DPYSL3: variants seen among roughly 807,000 people sequenced by gnomAD.
DPYSL3 encodes dihydropyrimidinase-related protein 3.
DPYSL3 carries 16 observed loss-of-function variants against 66.1 expected under a neutral mutation model. That is an observed-to-expected ratio of 0.24 (90% CI 0.16 to 0.37). The LOEUF is 0.37. Among genes scored for constraint, DPYSL3 ranks in the 10% least tolerant of loss-of-function variants. The probability of loss-of-function intolerance (pLI) is 1.00; values close to 1 mark genes in which losing one functional copy is unlikely to be tolerated. For missense variants in DPYSL3, 738 were observed against 916.2 expected (o/e 0.81, Z 2.51); for synonymous variants, 338 against 345.1 (o/e 0.98, Z 0.23).
intron 1 of DPYSL3, among the ~76,000 whole-genome samples, chr5:147,428,656 T>C (rs1043510295): frequency 6.6e-6 from 1 of 152,148 alleles, no homozygotes; most frequent in Admixed American, 6.5e-5. Context: ...TGATTAAAAG[T>C]TGCTCTCTCC....
At position 147,427,316 on chromosome 5, in the gene DPYSL3, TA is replaced by T. The variant is rs1752215801; in HGVS notation, c.382-2354del. Reference sequence around the variant, plus strand: ...CTCCTGACTAAACCAAAGACTCCTTTAGTCCTGGAACAATGTATCTTTTGAT... The same window carrying T: ...CTCCTGACTAAACCAAAGACTCCTTTGTCCTGGAACAATGTATCTTTTGAT... On this transcript the variant is annotated intron_variant, in intron 1 of 13. Coordinates refer to ENST00000343218, the MANE Select transcript of DPYSL3 (RefSeq NM_001197294.2). Among the ~76,000 whole-genome samples the T allele has an allele frequency of 3.9e-5, 6 of 152,344 alleles. No individual in the cohort carries two copies. The South Asian group carries it at 1.2e-3, about 32-fold the overall frequency.
chr5:147,494,809 G>A (rs1368347480), intron 1 of DPYSL3, among the ~76,000 whole-genome samples: 1 of 150,878 alleles, frequency 6.6e-6, no homozygotes, highest in African/African-American at 2.4e-5. Flanking sequence ...AACCCGGGAG[G>A]CAGAGCTTGC....
At chr5:147,455,436 C>CT (rs1161159499) in intron 1 of DPYSL3, among the ~76,000 whole-genome samples, 1 of 152,174 alleles carries the variant, frequency 6.6e-6, no homozygotes, top group Non-Finnish European at 1.5e-5. Flanking sequence ...GATCACCTCC[C>CT]TATACTCTTG....
chr5:147,418,272 C>T (rs1428347556), intron 3 of DPYSL3, among the ~76,000 whole-genome samples, 175 bp downstream of exon 3: 2 of 152,218 alleles, frequency 1.3e-5, no homozygotes, highest in East Asian at 1.9e-4. Flanking sequence ...TCTTTAGTTA[C>T]AGGGAGCTGC....
At chr5:147,479,393 C>A (rs1296366396) in intron 1 of DPYSL3, among the ~76,000 whole-genome samples, 1 of 152,156 alleles carries the variant, frequency 6.6e-6, no homozygotes, top group Admixed American at 6.5e-5. Flanking sequence ...GATGCTGCAA[C>A]ATAAATCCCT....
At chr5:147,499,284 A>G (rs1753567404) in intron 1 of DPYSL3, among the ~76,000 whole-genome samples, 1 of 152,184 alleles carries the variant, frequency 6.6e-6, no homozygotes, top group South Asian at 2.1e-4. Flanking sequence ...AGGAACTAGT[A>G]AGTGATTATA....
intron 1 of DPYSL3, among the ~76,000 whole-genome samples, chr5:147,502,571 CTTTTTTT>C (rs71001435): frequency 1.1e-5 from 1 of 95,196 alleles, no homozygotes; most frequent in Non-Finnish European, 1.9e-5. Flanking sequence ...CTTAATAATG[CTTTTTTT>C]TTTTTTTTTT....
Position 147,392,329 on chromosome 5 carries a change from C to G in DPYSL3, c.*1706G>C, listed in dbSNP as rs1757835427. ...AGAAGGTAGCTTGCTAGGGGAAATCCTGTTCCTTGGCTATCTCCAAATTCC... is the reference window on the plus strand; with the variant it reads ...AGAAGGTAGCTTGCTAGGGGAAATCGTGTTCCTTGGCTATCTCCAAATTCC... On this transcript the variant is annotated 3_prime_UTR_variant, in exon 14 of 14. Coordinates refer to ENST00000343218, the MANE Select transcript of DPYSL3 (RefSeq NM_001197294.2). The G allele has an allele frequency of 6.6e-6, 1 of 152,194 alleles. No individual in the cohort carries two copies. 9.4% of individuals were successfully genotyped at this position (152,194 alleles called of 1,614,324 possible). A position where few individuals can be genotyped will look rare whatever the true frequency, so the allele number is the denominator to read the frequency against.
In DPYSL3 at chr5:147,392,033, T is replaced by C. The variant is rs1008630789; in HGVS notation, c.*2002A>G. 8 of 152,236 alleles carry C rather than the reference T, an allele frequency of 5.3e-5. No homozygotes were observed. Among genetic ancestry groups the C allele is most frequent in the African/African-American group, 1.7e-4 (7 of 41,456 alleles). The allele number at this position is 152,236 out of a possible 1,614,324, so 9.4% of individuals were successfully genotyped here. ...TCAGAAGCGAGTTTATGTGTGTCTT[T>C]TCCTCTATCTGCTGGCTGTGGCTGG... On this transcript the variant is annotated 3_prime_UTR_variant, in exon 14 of 14. Coordinates refer to ENST00000343218, the MANE Select transcript of DPYSL3 (RefSeq NM_001197294.2).
intron 1 of DPYSL3, among the ~76,000 whole-genome samples, chr5:147,425,612 T>C (rs1752180296): frequency 6.6e-6 from 1 of 152,238 alleles, no homozygotes; most frequent in Admixed American, 6.5e-5. Context: ...ATACTCAATA[T>C]TCCTCACATT....
At chr5:147,419,856 G>A (rs1752045462) in intron 2 of DPYSL3, among the ~76,000 whole-genome samples, 1 of 152,090 alleles carries the variant, frequency 6.6e-6, no homozygotes, top group Non-Finnish European at 1.5e-5. Flanking sequence ...CTGATCCTAA[G>A]TCCATTCTAG....
chr5:147,419,004 CTAAAGAG>C (rs1394194192), intron 2 of DPYSL3, among the ~76,000 whole-genome samples: 2 of 151,994 alleles, frequency 1.3e-5, no homozygotes, highest in East Asian at 3.8e-4. Flanking sequence ...GGAGAAGAAT[CTAAAGAG>C]TATAAAATAG....
chr5:147,454,400 G>T (rs1752807794), intron 1 of DPYSL3: 1 of 152,242 alleles, frequency 6.6e-6, no homozygotes, highest in Admixed American at 6.5e-5. Context: ...CCCAGACCCG[G>T]AACATACACA....
At chr5:147,412,780 G>A in intron 5 of DPYSL3, 92 bp from the exon 6 acceptor site, 2 of 1,116,584 alleles carry the variant, frequency 1.8e-6, no homozygotes, top group South Asian at 1.3e-5. Flanking sequence ...AAAACAGATG[G>A]GATAAAGCAG....
intron 8 of DPYSL3, among the ~76,000 whole-genome samples, chr5:147,403,561 A>G (rs934340309): frequency 1.3e-5 from 2 of 152,196 alleles, no homozygotes; most frequent in African/African-American, 2.4e-5. Context: ...CAATAAAAAA[A>G]TTAAAGTATT....
At chr5:147,429,521 T>A (rs991771688) in intron 1 of DPYSL3, among the ~76,000 whole-genome samples, 2 of 152,182 alleles carry the variant, frequency 1.3e-5, no homozygotes, top group African/African-American at 4.8e-5. Flanking sequence ...AGTAAATAGC[T>A]AATAAATATT....
chr5:147,506,787 C>A (rs1355771087), intron 1 of DPYSL3, among the ~76,000 whole-genome samples: 1 of 152,176 alleles, frequency 6.6e-6, no homozygotes. Flanking sequence ...GGCTAAGTTA[C>A]ATGCTTACAG....
At chr5:147,421,505 A>C (rs1185901188) in intron 2 of DPYSL3, among the ~76,000 whole-genome samples, 2 of 152,198 alleles carry the variant, frequency 1.3e-5, no homozygotes, top group Admixed American at 6.5e-5. Flanking sequence ...ATTAGAAAAA[A>C]CTACTTTAAA....
intron 1 of DPYSL3, among the ~76,000 whole-genome samples, chr5:147,497,581 A>G (rs1040226473): frequency 6.6e-5 from 10 of 152,156 alleles, no homozygotes; most frequent in Admixed American, 3.3e-4. Context: ...GGTTGCTTCA[A>G]CATTTGAGAA....
Sources: gnomAD v4.1 joint callset for allele counts (sites outside exome capture counted in the v4.1 genomes callset) on GRCh38, gnomAD v4.1.1 for gene constraint, MANE v1.5 for transcripts, NCBI Gene and HGNC (gene_info 2026-07-23, HGNC 2026-07-21) for gene names.